CARS1: variants seen among roughly 807,000 people sequenced by gnomAD.
CARS1 encodes cysteinyl-tRNA synthetase 1, also known as cysteine--tRNA ligase, cytoplasmic.
A neutral mutation model predicts 106.2 loss-of-function variants in CARS1; 48 were observed. That is an observed-to-expected ratio of 0.45 (90% CI 0.36 to 0.57). CARS1 has a LOEUF of 0.57. CARS1 is among the 20% of genes least tolerant of loss of function. The pLI is 0.00. For missense variants in CARS1, 968 were observed against 1,057.2 expected, an observed-to-expected ratio of 0.92 and a Z score of 1.17; for synonymous variants, 409 against 403.4, an observed-to-expected ratio of 1.01 and a Z score of -0.17.
In CARS1 at chr11:3,017,735, A is replaced by T; in HGVS notation, c.1727+122T>A. On this transcript the variant is annotated intron_variant, in intron 15 of 22. Transcript: ENST00000380525. This position sits in a 1 kb window ranked among gnomAD's most constrained non-coding sequence, Gnocchi z 4.9. The stretch of plus-strand genomic sequence containing the variant: ...GCCGCCTATCCTGAATTAATTCTGC[A>T]CAACGTACGACAGTGTCCCCAGCCC... 2 of 666,054 alleles carry T rather than the reference A, an allele frequency of 3.0e-6. No homozygotes were observed. The highest frequency in any genetic ancestry group is 1.8e-5 in the African/African-American group (1 of 54,930). 41.3% of individuals were successfully genotyped at this position (666,054 alleles called of 1,614,324 possible).
At chr11:3,009,814 G>A (rs1471299161) in intron 18 of CARS1, among the ~76,000 whole-genome samples, 1 of 152,206 alleles carries the variant, frequency 6.6e-6, no homozygotes. Context: ...CTGATCTGAG[G>A]GCCACCCCTG....
At position 3,044,389 on chromosome 11, in the gene CARS1, G is replaced by A. The variant is rs909011710; in HGVS notation, c.275-2133C>T. On this transcript the variant is annotated intron_variant, in intron 2 of 22. Coordinates refer to ENST00000380525, the MANE Select transcript of CARS1 (RefSeq NM_001014437.3). This position sits in a 1 kb window ranked among gnomAD's most constrained non-coding sequence, Gnocchi z 4.4. The stretch of plus-strand genomic sequence containing the variant: ...CAGATTTGCAAAAGGGAAGAACTGA[G>A]AGATATCACATAAGGACCCTTGCCC... Among the ~76,000 whole-genome samples the A allele has an allele frequency of 6.6e-6, 1 of 151,976 alleles. No homozygotes were observed. Among genetic ancestry groups the A allele is most frequent in the African/African-American group, 2.4e-5 (1 of 41,340 alleles).
rs914711237 is a variant in CARS1 at position 3,029,661 on chromosome 11, G to C, written c.802-218C>G. 70 of 557,554 alleles carry C rather than the reference G, an allele frequency of 1.3e-4. 1 individual carries two copies. In the Admixed American group the frequency reaches 1.5e-3, roughly 12 times the overall value. 34.5% of individuals were successfully genotyped at this position (557,554 alleles called of 1,614,324 possible). On this transcript the variant is annotated intron_variant, in intron 7 of 22. Transcript: ENST00000380525. The surrounding 1 kb of genome is among the most constrained non-coding windows in gnomAD (Gnocchi z 5.9). Reference sequence around the variant, plus strand: ...AATGGGCAGGTCTCACATGAACTCAGAGGAGCAAAGCCAAGGGGACTGTGG... The same window carrying C: ...AATGGGCAGGTCTCACATGAACTCACAGGAGCAAAGCCAAGGGGACTGTGG...
At chr11:3,054,364 C>A (rs374832942) in intron 1 of CARS1, among the ~76,000 whole-genome samples, 1 of 152,216 alleles carries the variant, frequency 6.6e-6, no homozygotes, top group Admixed American at 6.5e-5. Context: ...AATATTGCCA[C>A]CCAGAGCACC....
intron 1 of CARS1, among the ~76,000 whole-genome samples, chr11:3,049,039 T>C (rs1254943192): frequency 6.6e-6 from 1 of 152,214 alleles, no homozygotes; most frequent in Non-Finnish European, 1.5e-5. Flanking sequence ...TCCATGGCTT[T>C]TTTCATTTGA....
intron 1 of CARS1, among the ~76,000 whole-genome samples, chr11:3,054,083 T>C (rs893597049): frequency 6.6e-6 from 1 of 152,022 alleles, no homozygotes. Flanking sequence ...GAGAGGGGCA[T>C]GCACCCCTGC....
At chr11:3,054,182 G>A (rs957004262) in intron 1 of CARS1, among the ~76,000 whole-genome samples, 4 of 152,256 alleles carry the variant, frequency 2.6e-5, no homozygotes, top group Admixed American at 2.6e-4. Context: ...TCCCCGTCCT[G>A]ATCACCAGCC....
chr11:3,054,169 C>A (rs1158897297), intron 1 of CARS1, among the ~76,000 whole-genome samples: 1 of 152,204 alleles, frequency 6.6e-6, no homozygotes, highest in Non-Finnish European at 1.5e-5. Flanking sequence ...CTTCCCCTCC[C>A]ACTCCCCGTC....
At chr11:3,013,155 T>C (rs1482096949) in intron 17 of CARS1, among the ~76,000 whole-genome samples, 1 of 151,506 alleles carries the variant, frequency 6.6e-6, no homozygotes, top group Non-Finnish European at 1.5e-5. Flanking sequence ...CCCAAAGCAT[T>C]TCCCCTTTTT....
intron 18 of CARS1, 24 bp from the exon 19 acceptor site, chr11:3,006,983 C>A: frequency 6.2e-7 from 1 of 1,601,940 alleles, no homozygotes; most frequent in Non-Finnish European, 8.6e-7. Flanking sequence ...AGAGCAGTTC[C>A]CTCAGACATG....
intron 19 of CARS1, among the ~76,000 whole-genome samples, chr11:3,006,307 G>A (rs912490372): frequency 1.1e-4 from 17 of 152,112 alleles, no homozygotes; most frequent in Admixed American, 5.9e-4. Context: ...TTAGCCGAGC[G>A]TGGTGATGGG....
Position 3,041,644 on chromosome 11 carries a change from G to C in CARS1, c.366+521C>G, listed in dbSNP as rs755821558. Among the ~76,000 whole-genome samples, 9 of 152,104 alleles carry C rather than the reference G, an allele frequency of 5.9e-5. No homozygotes were observed. Among genetic ancestry groups the C allele is most frequent in the Non-Finnish European group, 1.0e-4 (7 of 68,018 alleles). On this transcript the variant is annotated intron_variant, in intron 3 of 22. Coordinates refer to ENST00000380525, the MANE Select transcript of CARS1 (RefSeq NM_001014437.3). This position sits in a 1 kb window ranked among gnomAD's most constrained non-coding sequence, Gnocchi z 4.9. ...ATGGAAATCCAAGCAGCCCCGCCCA[G>C]AGCCTGGTCTGAAATCACTGGAGTC...
rs553730980 is a variant in CARS1, at chr11:3,001,996, C to G, written c.2335G>C (p.Asp779His). ...TTTTCATCAAACTTGGAGTATTTGT[C>G]GGTTTCTGACAAGAACATCTCACTG... ...PPSEMFLSET[D>H]KYSKFDENGL... is the part of the protein sequence containing the mutation. The change falls in exon 22 of 23, where the codon GAC (aspartate) becomes CAC (histidine). Residue 779 changes from aspartate (D) to histidine (H), a missense_variant. Physicochemically the swap from Asp to His is moderately conservative, Grantham distance 81. Transcript: ENST00000380525. 6.2e-7 allele frequency: 1 copy of G among 1,613,640 alleles called. No individual in the cohort carries two copies. Among genetic ancestry groups the G allele is most frequent in the South Asian group, 1.1e-5 (1 of 91,078 alleles).
In CARS1 at chr11:3,045,558, C is replaced by T. The variant is rs181831416; in HGVS notation, c.274+2195G>A. The stretch of plus-strand genomic sequence containing the variant: ...GGATTACAGGAGTGAGCCACCGCGC[C>T]GGGCCAAGCAGAGTCTTTCCATGTC... On this transcript the variant is annotated intron_variant, in intron 2 of 22. Coordinates refer to ENST00000380525, the MANE Select transcript of CARS1 (RefSeq NM_001014437.3). This position sits in a 1 kb window ranked among gnomAD's most constrained non-coding sequence, Gnocchi z 5.6. Among the ~76,000 whole-genome samples, 96 of 152,318 alleles carry T rather than the reference C, an allele frequency of 6.3e-4. No homozygotes were observed. The highest frequency in any genetic ancestry group is 8.5e-4 in the Admixed American group (13 of 15,304).
intron 1 of CARS1, among the ~76,000 whole-genome samples, chr11:3,055,575 TG>T (rs1410531575): frequency 1.4e-4 from 21 of 152,374 alleles, no homozygotes; most frequent in African/African-American, 5.0e-4. Flanking sequence ...GGCTGAGGAC[TG>T]GGCAATCTGC....
Position 3,047,863 on chromosome 11 carries a change from G to C in CARS1, c.164C>G (p.Ser55Trp). 1 of 1,614,076 alleles carries C rather than the reference G, an allele frequency of 6.2e-7. No homozygotes were observed. The highest frequency in any genetic ancestry group is 8.5e-7 in the Non-Finnish European group (1 of 1,180,024). Residue 55 changes from serine (S) to tryptophan (W), a missense_variant, in exon 2 of 23, where the codon TCG (serine) becomes TGG (tryptophan). Physicochemically the swap from Ser to Trp is radical, Grantham distance 177. Coordinates refer to ENST00000380525, the MANE Select transcript of CARS1 (RefSeq NM_001014437.3). Reference protein sequence around the residue: ...QADVDAFRQLSAPPADPQLFH... With the variant: ...QADVDAFRQLWAPPADPQLFH... ...GAGCTGGGGGTCAGCGGGCGGGGCC[G>C]AGAGCTGCCTGAACGCGTCCACGTC...
chr11:3,018,705 T>C lies in CARS1; in HGVS notation c.1440A>G (p.Thr480=). The change falls in exon 13 of 23, where the codon ACA becomes ACG. Residue 480 remains threonine (T), a synonymous_variant. Coordinates refer to ENST00000380525, the MANE Select transcript of CARS1 (RefSeq NM_001014437.3). Reference sequence around the variant, plus strand: ...TGCAGCCTGCAATGGTCAGGTGGCCTGTGTGCAGGAAGTACCTGACCCAGC... The same window carrying C: ...TGCAGCCTGCAATGGTCAGGTGGCCCGTGTGCAGGAAGTACCTGACCCAGC... ...NDCWVRYFLH[T]GHLTIAGCKM... 6.2e-7 allele frequency: 1 copy of C among 1,614,176 alleles called. No individual in the cohort carries two copies.
At position 3,043,839 on chromosome 11, in the gene CARS1, A is replaced by T. The variant is rs2134274048; in HGVS notation, c.275-1583T>A. On this transcript the variant is annotated intron_variant, in intron 2 of 22. Coordinates refer to ENST00000380525, the MANE Select transcript of CARS1 (RefSeq NM_001014437.3). The surrounding 1 kb of genome is among the most constrained non-coding windows in gnomAD (Gnocchi z 4.0). ...TCTGGGCAGTGGGGGTACTGTGGGC[A>T]GGTGGGAGATGGGGCAGGAGACGGA... is the stretch of plus-strand genomic sequence containing the variant. Among the ~76,000 whole-genome samples the T allele has an allele frequency of 6.6e-6, 1 of 152,244 alleles. No homozygotes were observed. Among genetic ancestry groups the T allele is most frequent in the East Asian group, 1.9e-4 (1 of 5,166 alleles).
intron 7 of CARS1, among the ~76,000 whole-genome samples, chr11:3,031,974 T>G (rs1852825870): frequency 6.9e-6 from 1 of 144,188 alleles, no homozygotes. Flanking sequence ...TGCACTCTGT[T>G]CTTTTCTTTC....
Sources: gnomAD v4.1 joint callset for allele counts (sites outside exome capture counted in the v4.1 genomes callset) on GRCh38, gnomAD v4.1.1 for gene constraint, Gnocchi (gnomAD v3.1) non-coding constraint, MANE v1.5 for transcripts, NCBI Gene and HGNC (gene_info 2026-07-23, HGNC 2026-07-21) for gene names.